The following CALD1 variants were observed in gnomAD, a reference collection of about 807,000 sequenced individuals.
CALD1 encodes the protein caldesmon.
CALD1 carries 33 observed loss-of-function variants against 99.9 expected under a neutral mutation model. That is an observed-to-expected ratio of 0.33 (90% confidence interval 0.25 to 0.44). CALD1 has a LOEUF of 0.44. Among genes scored for constraint, CALD1 ranks in the 20% least tolerant of loss-of-function variants. The pLI is 1.00. For synonymous variants in CALD1, 310 were observed against 325.0 expected, an observed-to-expected ratio of 0.95 and a Z score of 0.50; for missense variants, 861 against 962.1, an observed-to-expected ratio of 0.89 and a Z score of 1.39.
intron 1 of CALD1, among the ~76,000 whole-genome samples, chr7:134,751,015 C>CA (rs1460718326): frequency 3.3e-5 from 5 of 152,156 alleles, no homozygotes; most frequent in Admixed American, 6.5e-5. Flanking sequence ...CACCATGTCT[C>CA]AAAAAATCAC....
intron 1 of CALD1, among the ~76,000 whole-genome samples, chr7:134,761,367 G>T (rs1178593217): frequency 6.6e-6 from 1 of 152,136 alleles, no homozygotes; most frequent in Admixed American, 6.5e-5. Flanking sequence ...AAGTTCTGCG[G>T]CTGCTGCTGA....
intron 3 of CALD1, among the ~76,000 whole-genome samples, chr7:134,922,619 C>T (rs1479583749): frequency 6.6e-6 from 1 of 152,174 alleles, no homozygotes; most frequent in Non-Finnish European, 1.5e-5. Flanking sequence ...GACACTGGGG[C>T]AAGAGGAAAA....
At chr7:134,777,992 C>T (rs1796950850), upstream of CALD1, among the ~76,000 whole-genome samples, 2 of 152,200 alleles carry the variant, frequency 1.3e-5, no homozygotes, top group South Asian at 4.1e-4. Flanking sequence ...GCTTGTGCCA[C>T]AGTGTACCTG....
intron 3 of CALD1, among the ~76,000 whole-genome samples, chr7:134,893,580 C>T (rs1209020439): frequency 6.6e-6 from 1 of 152,148 alleles, no homozygotes; most frequent in Non-Finnish European, 1.5e-5. Context: ...TGTTTCTTGA[C>T]TCATTCTATT....
At chr7:134,739,046 C>T in the CALD1 span, among the ~76,000 whole-genome samples, 1 of 152,166 alleles carries the variant, frequency 6.6e-6, no homozygotes, top group African/African-American at 2.4e-5. Flanking sequence ...GCACTCAATG[C>T]CTGCTGCTTA....
chr7:134,880,134 A>G (rs923435318), intron 3 of CALD1, among the ~76,000 whole-genome samples: 1 of 152,136 alleles, frequency 6.6e-6, no homozygotes, highest in Non-Finnish European at 1.5e-5. Context: ...TTTCCAGCAG[A>G]TTGTTCAATA....
chr7:134,893,614 C>T (rs890816601), intron 3 of CALD1, among the ~76,000 whole-genome samples: 25 of 152,160 alleles, frequency 1.6e-4, no homozygotes, highest in African/African-American at 5.8e-4. Flanking sequence ...ATACCCTCAC[C>T]CTCCTGTTTC....
At chr7:134,729,331 A>G in the CALD1 span, among the ~76,000 whole-genome samples, 2 of 152,220 alleles carry the variant, frequency 1.3e-5, no homozygotes, top group Admixed American at 6.5e-5. Flanking sequence ...GAGAAGTCAA[A>G]TGACTCACCC....
intron 2 of CALD1, chr7:134,867,101 A>C (rs755553468): frequency 1.3e-5 from 2 of 152,230 alleles, no homozygotes; most frequent in Non-Finnish European, 2.9e-5. Context: ...AGAGCTTGGA[A>C]AACAGCTTGA....
chr7:134,817,981 C>A (rs1373102365), intron 1 of CALD1, among the ~76,000 whole-genome samples: 1 of 152,270 alleles, frequency 6.6e-6, no homozygotes, highest in East Asian at 1.9e-4. Context: ...ATAACCTCAT[C>A]TGTAATAAAC....
intron 7 of CALD1, among the ~76,000 whole-genome samples, chr7:134,941,498 G>A (rs945360959): frequency 6.6e-6 from 1 of 152,160 alleles, no homozygotes; most frequent in African/African-American, 2.4e-5. Flanking sequence ...ATCATGCTTG[G>A]CATCCATGTT....
intron 3 of CALD1, among the ~76,000 whole-genome samples, chr7:134,904,421 A>T (rs76503474): frequency 0.026 from 3,940 of 151,710 alleles, 174 homozygotes; most frequent in African/African-American, 0.09. Flanking sequence ...TCTCTACGAA[A>T]ACTAAAAAAA....
intron 3 of CALD1, chr7:134,920,557 G>C (rs1166376261): frequency 3.9e-5 from 50 of 1,267,326 alleles, no homozygotes; most frequent in Non-Finnish European, 5.0e-5. Context: ...CAGAAAGCTG[G>C]GGACAGAATA....
At chr7:134,825,767 T>A (rs561584407) in intron 1 of CALD1, among the ~76,000 whole-genome samples, 4 of 152,318 alleles carry the variant, frequency 2.6e-5, no homozygotes, top group African/African-American at 9.6e-5. Flanking sequence ...AAATGATTTA[T>A]TGGTCATTAA....
the CALD1 span, among the ~76,000 whole-genome samples, chr7:134,717,400 T>G: frequency 1.3e-5 from 2 of 152,228 alleles, no homozygotes; most frequent in Non-Finnish European, 2.9e-5. Context: ...CTTGGTACCT[T>G]GCTTACAATG....
At chr7:134,740,391 G>A (rs545349908), upstream of CALD1, among the ~76,000 whole-genome samples, 7 of 152,240 alleles carry the variant, frequency 4.6e-5, no homozygotes, top group South Asian at 4.1e-4. Context: ...AACACAAAAT[G>A]TAATAAGGAT....
intron 3 of CALD1, among the ~76,000 whole-genome samples, chr7:134,911,502 T>C (rs931724148): frequency 1.3e-5 from 2 of 151,386 alleles, no homozygotes; most frequent in African/African-American, 4.9e-5. Flanking sequence ...TAAATACTCA[T>C]AAGCCTAGCA....
At chr7:134,928,647 A>T in intron 3 of CALD1, 107 bp from the exon 4 acceptor site, 2 of 1,003,012 alleles carry the variant, frequency 2.0e-6, no homozygotes, top group Middle Eastern at 2.3e-4. Flanking sequence ...TATGTGGTTC[A>T]TTAAGCAGTG....
chr7:134,836,391 T>C (rs1799441153), intron 1 of CALD1, among the ~76,000 whole-genome samples: 1 of 152,180 alleles, frequency 6.6e-6, no homozygotes, highest in South Asian at 2.1e-4. Context: ...TATCACTTGC[T>C]GAAACTTAGG....
Sources: gnomAD v4.1 joint callset for allele counts (sites outside exome capture counted in the v4.1 genomes callset) on GRCh38, gnomAD v4.1.1 for gene constraint, MANE v1.5 for transcripts, NCBI Gene and HGNC (gene_info 2026-07-23, HGNC 2026-07-21) for gene names.